The following NSMCE2 variants were observed in gnomAD, a reference collection of about 807,000 sequenced individuals.
NSMCE2 encodes the protein NSE2 SUMO ligase component of SMC5/6 complex.
NSMCE2 carries 24 observed loss-of-function variants against 23.8 expected under a neutral mutation model. The ratio of observed to expected loss-of-function variants is 1.01; its 90% CI spans 0.73 to 1.42. NSMCE2 has a LOEUF of 1.42. Ranked by LOEUF, NSMCE2 falls within the 40% of genes most tolerant of loss-of-function variation. NSMCE2 has a pLI of 0.00. For synonymous variants in NSMCE2, 92 were observed against 94.1 expected (o/e 0.98, Z 0.13); for missense variants, 284 against 296.5 (o/e 0.96, Z 0.31).
At chr8:125,286,826 C>G (rs1827924892) in intron 5 of NSMCE2, among the ~76,000 whole-genome samples, 1 of 148,282 alleles carries the variant, frequency 6.7e-6, no homozygotes. Flanking sequence ...TTCCAGCAAA[C>G]CTGGGACTTC....
At chr8:125,271,865 A>G (rs1432213887) in intron 5 of NSMCE2, among the ~76,000 whole-genome samples, 1 of 152,224 alleles carries the variant, frequency 6.6e-6, no homozygotes, top group African/African-American at 2.4e-5. Flanking sequence ...ATTCAGCAAT[A>G]TTAAATAATC....
At chr8:125,160,098 G>T (rs12544146) in intron 4 of NSMCE2, among the ~76,000 whole-genome samples, 3 of 152,002 alleles carry the variant, frequency 2.0e-5, no homozygotes, top group Non-Finnish European at 4.4e-5. Flanking sequence ...CAATAAAAAC[G>T]TGCATAGGAA....
At chr8:125,239,533 C>T (rs1029834348) in intron 5 of NSMCE2, among the ~76,000 whole-genome samples, 2 of 149,838 alleles carry the variant, frequency 1.3e-5, no homozygotes, top group African/African-American at 4.9e-5. Context: ...TGCTTTAACC[C>T]GGGAGGCAGA....
At chr8:125,305,975 A>G (rs1180254581) in intron 5 of NSMCE2, among the ~76,000 whole-genome samples, 2 of 152,218 alleles carry the variant, frequency 1.3e-5, no homozygotes, top group African/African-American at 4.8e-5. Context: ...GATTGGCCCC[A>G]AAGCCAGGCT....
At chr8:125,263,958 C>T (rs1449977684) in intron 5 of NSMCE2, among the ~76,000 whole-genome samples, 2 of 152,118 alleles carry the variant, frequency 1.3e-5, no homozygotes, top group Admixed American at 6.6e-5. Flanking sequence ...AGCTGCAGTC[C>T]CCTGTTTAGA....
chr8:125,319,564 G>T (rs929876418), intron 5 of NSMCE2, among the ~76,000 whole-genome samples: 2 of 152,062 alleles, frequency 1.3e-5, no homozygotes, highest in African/African-American at 4.8e-5. Flanking sequence ...CTTTACATAT[G>T]TAAAGACCCA....
chr8:125,356,324 TGG>T, intron 5 of NSMCE2, among the ~76,000 whole-genome samples: 1 of 138,494 alleles, frequency 7.2e-6, no homozygotes, highest in African/African-American at 2.6e-5. Flanking sequence ...TTTAATTTTT[TGG>T]TTTTTTTTTT....
intron 5 of NSMCE2, among the ~76,000 whole-genome samples, chr8:125,265,061 A>C (rs915511090): frequency 4.6e-5 from 7 of 152,252 alleles, no homozygotes; most frequent in Admixed American, 1.3e-4. Flanking sequence ...TAGTATCTTA[A>C]AAATTAAAGT....
intron 5 of NSMCE2, among the ~76,000 whole-genome samples, chr8:125,333,672 G>A (rs943451189): frequency 1.4e-4 from 21 of 151,320 alleles, no homozygotes; most frequent in African/African-American, 4.4e-4. Context: ...CCGCCACTAC[G>A]CCCGGCTATT....
chr8:125,197,236 C>T, intron 5 of NSMCE2, among the ~76,000 whole-genome samples: 1 of 152,080 alleles, frequency 6.6e-6, no homozygotes, highest in East Asian at 1.9e-4. Flanking sequence ...CTTTTGTTTC[C>T]ATTGCTTTTG....
chr8:125,270,731 T>C (rs1413798392), intron 5 of NSMCE2: 1 of 151,948 alleles, frequency 6.6e-6, no homozygotes, highest in African/African-American at 2.4e-5. Context: ...AAGTTCAGCA[T>C]CAATATGGTG....
chr8:125,262,141 A>G (rs969658812), intron 5 of NSMCE2, among the ~76,000 whole-genome samples: 1 of 150,528 alleles, frequency 6.6e-6, no homozygotes. Flanking sequence ...AATAAATTGT[A>G]TAGGCCGGGT....
chr8:125,315,953 C>G (rs1460822907), intron 5 of NSMCE2, among the ~76,000 whole-genome samples: 2 of 152,180 alleles, frequency 1.3e-5, no homozygotes, highest in Non-Finnish European at 2.9e-5. Context: ...TAGGCACACA[C>G]CACCACATCC....
chr8:125,106,113 C>T lies in NSMCE2; in HGVS notation c.157+3626C>T, dbSNP rs35416397. 4.0e-3 allele frequency among the ~76,000 whole-genome samples: 608 copies of T among 151,958 alleles called. 4 individuals are homozygous for T. The highest frequency in any genetic ancestry group is 5.6e-3 in the Non-Finnish European group (379 of 67,982). On this transcript the variant is annotated intron_variant, in intron 3 of 7. Transcript: ENST00000287437. ...GGAGTCAAAATAACAAAGTAGTCAACATAAACTAACCAAGTGACTATTCTG... is the reference window on the plus strand; with the variant it reads ...GGAGTCAAAATAACAAAGTAGTCAATATAAACTAACCAAGTGACTATTCTG...
At chr8:125,123,533 G>A (rs892631276) in intron 3 of NSMCE2, among the ~76,000 whole-genome samples, 1 of 152,262 alleles carries the variant, frequency 6.6e-6, no homozygotes, top group African/African-American at 2.4e-5. Flanking sequence ...AAGTCACAAA[G>A]TTTGAGATGC....
intron 5 of NSMCE2, among the ~76,000 whole-genome samples, chr8:125,238,930 G>A (rs961404312): frequency 3.3e-5 from 5 of 152,144 alleles, no homozygotes; most frequent in Non-Finnish European, 7.3e-5. Context: ...TTGTTACAGA[G>A]CTGTTCTTGT....
intron 3 of NSMCE2, among the ~76,000 whole-genome samples, chr8:125,110,759 G>GTTTTTTTTTTTTTTT (rs1387354813): frequency 1.7e-5 from 1 of 58,128 alleles, no homozygotes; most frequent in African/African-American, 7.3e-5. Context: ...TTTGGTTGTT[G>GTTTTTTTTTTTTTTT]TTGTTTTTTT....
At chr8:125,193,713 G>A (rs111572273) in intron 5 of NSMCE2, among the ~76,000 whole-genome samples, 3 of 152,142 alleles carry the variant, frequency 2.0e-5, no homozygotes, top group Non-Finnish European at 4.4e-5. Flanking sequence ...AAAACAAAAA[G>A]CGTATTTCTT....
At chr8:125,256,605 C>T (rs1235827661) in intron 5 of NSMCE2, among the ~76,000 whole-genome samples, 6 of 152,094 alleles carry the variant, frequency 3.9e-5, no homozygotes, top group Non-Finnish European at 8.8e-5. Flanking sequence ...TAGACAAGCT[C>T]ACCCAGGGGA....
Sources: gnomAD v4.1 joint callset for allele counts (sites outside exome capture counted in the v4.1 genomes callset) on GRCh38, gnomAD v4.1.1 for gene constraint, MANE v1.5 for transcripts, NCBI Gene and HGNC (gene_info 2026-07-23, HGNC 2026-07-21) for gene names.